Variants in ATAD1 observed in about 807,000 individuals in gnomAD.
ATAD1 encodes the protein ATPase family AAA domain containing 1, also known as outer mitochondrial transmembrane helix translocase.
In ATAD1, 18 loss-of-function variants were observed where a neutral mutation model predicts 42.7. The ratio of observed to expected loss-of-function variants is 0.42; its 90% CI spans 0.29 to 0.63. The LOEUF (loss-of-function observed/expected upper bound fraction) is 0.63. Ranked by LOEUF, ATAD1 falls within the 20% of genes least tolerant of loss-of-function variation. The probability of loss-of-function intolerance (pLI) is 0.19; values close to 1 mark genes in which losing one functional copy is unlikely to be tolerated. For missense variants in ATAD1, 294 were observed against 440.4 expected (o/e 0.67, Z 2.98); for synonymous variants, 132 against 143.1 (o/e 0.92, Z 0.55).
At position 87,792,664 on chromosome 10, in the gene ATAD1, T is replaced by G. The variant is rs1445944626; in HGVS notation, c.254A>C (p.Asn85Thr). Residue 85 changes from asparagine to threonine, a missense_variant, in exon 3 of 10, where the codon AAT becomes ACT. By Grantham distance (65) the Asn-to-Thr change is moderately conservative. Coordinates refer to ENST00000680024, the MANE Select transcript of ATAD1 (RefSeq NM_001321967.2). ...AAGATTAAAGATACATACATGCATA[T>G]TAAGAGGGTCTACAAGATGAGCAGC... ...SIAAHLVDPLNMHVTWSDIAG... is the reference protein window; with the variant it reads ...SIAAHLVDPLTMHVTWSDIAG... The G allele has an allele frequency of 1.3e-6, 2 of 1,575,904 alleles. No individual in the cohort carries two copies. Among genetic ancestry groups the G allele is most frequent in the Non-Finnish European group, 1.7e-6 (2 of 1,150,666 alleles).
chr10:87,786,509 C>G lies in ATAD1; in HGVS notation c.383-1839G>C, dbSNP rs146676951. Among the ~76,000 whole-genome samples, 32 of 152,314 alleles carry G rather than the reference C, an allele frequency of 2.1e-4. No homozygotes were observed. In the East Asian group the frequency reaches 6.2e-3, roughly 29 times the overall value. ...TTATTAACTGAGCAGTTATGAGTGT[C>G]TGGAGTGCCTAAAGATTCAATATGC... On this transcript the variant is annotated intron_variant, in intron 4 of 9. Coordinates refer to ENST00000680024, the MANE Select transcript of ATAD1 (RefSeq NM_001321967.2).
At position 87,758,149 on chromosome 10, in the gene ATAD1, G is replaced by T. The variant is rs1216444351; in HGVS notation, c.832-1227C>A. Among the ~76,000 whole-genome samples, 3 of 152,100 alleles carry T rather than the reference G, an allele frequency of 2.0e-5. No homozygotes were observed. The East Asian group carries it at 5.8e-4, about 29-fold the overall frequency. On this transcript the variant is annotated intron_variant, in intron 8 of 9. Coordinates refer to ENST00000680024, the MANE Select transcript of ATAD1 (RefSeq NM_001321967.2). The stretch of plus-strand genomic sequence containing the variant: ...TGGAGCTAAAATGCTGTACAATAAG[G>T]ACATGTAAGACAGAGGAGACATCTA...
At chr10:87,798,625 G>T (rs7910423) in intron 2 of ATAD1, among the ~76,000 whole-genome samples, 5,387 of 124,736 alleles carry the variant, frequency 0.043, 427 homozygotes, top group African/African-American at 0.15. Context: ...AGCTATAGGG[G>T]GTGTGTGTGT....
intron 5 of ATAD1, among the ~76,000 whole-genome samples, chr10:87,781,804 G>A (rs562948037): frequency 2.0e-5 from 3 of 151,912 alleles, no homozygotes; most frequent in Non-Finnish European, 4.4e-5. Flanking sequence ...TACCACACCC[G>A]GCTAATTTTT....
intron 6 of ATAD1, among the ~76,000 whole-genome samples, chr10:87,772,286 C>T (rs529567248): frequency 1.1e-4 from 16 of 151,566 alleles, no homozygotes; most frequent in African/African-American, 3.6e-4. Context: ...CTGATTTTTC[C>T]GTCTTTAGTA....
rs1855002590 is a variant in ATAD1 at position 87,770,962 on chromosome 10, A to C, written c.770T>G (p.Ile257Ser). ...ATCAAGACCACCTACAGGCTGGTTG[A>C]TATGAAATCTTGTAGGCATTCTTCT... ...IMRRMPTRFH[I>S]NQPALKQREA... The change falls in exon 7 of 10, where the codon ATC (isoleucine) becomes AGC (serine). Residue 257 changes from isoleucine to serine, a missense_variant. By Grantham distance (142) the Ile-to-Ser change is moderately radical. Transcript: ENST00000680024. 6.2e-7 allele frequency: 1 copy of C among 1,613,172 alleles called. No homozygotes were observed. The highest frequency in any genetic ancestry group is 1.7e-5 in the Admixed American group (1 of 59,964).
At chr10:87,777,596 T>C (rs1855365319) in intron 5 of ATAD1, among the ~76,000 whole-genome samples, 2 of 151,602 alleles carry the variant, frequency 1.3e-5, no homozygotes, top group African/African-American at 4.8e-5. Context: ...TCCTAATAAT[T>C]TAAAAAAAAA....
chr10:87,796,171 T>C (rs922810349), intron 2 of ATAD1, among the ~76,000 whole-genome samples: 2 of 152,352 alleles, frequency 1.3e-5, no homozygotes, highest in African/African-American at 4.8e-5. Flanking sequence ...AGTGTACTTA[T>C]ACCTCTTTCC....
chr10:87,803,641 A>G (rs759168888), intron 2 of ATAD1, among the ~76,000 whole-genome samples: 9 of 152,212 alleles, frequency 5.9e-5, no homozygotes, highest in Non-Finnish European at 1.0e-4. Context: ...CGTCTCATGT[A>G]TCCCTAAAAT....
rs1267573215 is a variant in ATAD1 at position 87,825,308 on chromosome 10, C to CTT, written c.-13-10698_-13-10697dup. On this transcript the variant is annotated intron_variant, in intron 1 of 4. Transcript: ENST00000495903. ...TTATCTTTTCTCTGCAAATCTTAACCTTTTTTTTTTTTTTTTTTTGAGATG... is the reference window on the plus strand; with the variant it reads ...TTATCTTTTCTCTGCAAATCTTAACCTTTTTTTTTTTTTTTTTTTTTGAGATG... 2.7e-3 allele frequency among the ~76,000 whole-genome samples: 361 copies of CTT among 132,914 alleles called. 2 individuals carry two copies. The highest frequency in any genetic ancestry group is 7.4e-3 in the African/African-American group (263 of 35,456). The allele number at this position is 132,914 out of a possible 152,430, so 87.2% of individuals were successfully genotyped here. A position where few individuals can be genotyped will look rare whatever the true frequency, so the allele number is the denominator to read the frequency against.
intron 9 of ATAD1, among the ~76,000 whole-genome samples, chr10:87,755,889 G>A (rs953722749): frequency 1.3e-5 from 2 of 152,064 alleles, no homozygotes; most frequent in Admixed American, 6.6e-5. Flanking sequence ...GCAAAAGAGC[G>A]AAACTCCGTC....
chr10:87,839,995 A>G (rs1438732395), intron 1 of ATAD1, among the ~76,000 whole-genome samples: 3 of 152,180 alleles, frequency 2.0e-5, no homozygotes, highest in African/African-American at 7.2e-5. Context: ...ACTCTGTTTG[A>G]GTCATTTAGG....
At chr10:87,765,880 A>C (rs1029741748) in intron 8 of ATAD1, among the ~76,000 whole-genome samples, 1 of 151,948 alleles carries the variant, frequency 6.6e-6, no homozygotes. Flanking sequence ...AAATAACTAA[A>C]TAAATAAACA....
chr10:87,803,847 T>C (rs1564772826), intron 2 of ATAD1, among the ~76,000 whole-genome samples: 1 of 151,890 alleles, frequency 6.6e-6, no homozygotes, highest in Non-Finnish European at 1.5e-5. Flanking sequence ...TGCAGAGTTT[T>C]TTCTCCTCTG....
chr10:87,826,282 T>C (rs184209098), intron 1 of ATAD1, among the ~76,000 whole-genome samples: 106 of 152,308 alleles, frequency 7.0e-4, no homozygotes, highest in Middle Eastern at 6.8e-3. Context: ...CAAAATAGTA[T>C]ACCTGATAGA....
intron 8 of ATAD1, among the ~76,000 whole-genome samples, chr10:87,763,561 T>G (rs968006598): frequency 1.3e-5 from 2 of 152,072 alleles, no homozygotes; most frequent in Non-Finnish European, 2.9e-5. Flanking sequence ...CAGTCCTAAC[T>G]ACTTGGGAGA....
At chr10:87,800,646 A>T (rs1478369144) in intron 2 of ATAD1, among the ~76,000 whole-genome samples, 1 of 152,168 alleles carries the variant, frequency 6.6e-6, no homozygotes, top group African/African-American at 2.4e-5. Context: ...ATTAACATTC[A>T]TGTATCTTTC....
intron 8 of ATAD1, among the ~76,000 whole-genome samples, chr10:87,764,791 A>G (rs182956326): frequency 1.3e-5 from 2 of 152,280 alleles, no homozygotes; most frequent in East Asian, 3.9e-4. Context: ...GGACAAACCC[A>G]ACCTAGTTTC....
At chr10:87,777,373 A>G (rs1456072947) in intron 5 of ATAD1, among the ~76,000 whole-genome samples, 18 of 152,224 alleles carry the variant, frequency 1.2e-4, no homozygotes, top group Admixed American at 1.2e-3. Context: ...ATGTACATAC[A>G]TATGTTATAC....
Sources: allele counts gnomAD v4.1 joint callset (sites outside exome capture counted in the v4.1 genomes callset), GRCh38; gene constraint gnomAD v4.1.1; transcripts MANE v1.5; gene names NCBI Gene and HGNC (gene_info 2026-07-23, HGNC 2026-07-21).